The following CACNA1B variants were observed in gnomAD, a reference collection of about 807,000 sequenced individuals.
CACNA1B encodes calcium voltage-gated channel subunit alpha1 B, also known as voltage-dependent N-type calcium channel subunit alpha-1B.
In CACNA1B, 70 loss-of-function variants were observed where a neutral mutation model predicts 247.2. The ratio of observed to expected loss-of-function variants is 0.28; its 90% CI spans 0.23 to 0.35. CACNA1B has a LOEUF of 0.35. Among genes scored for constraint, CACNA1B ranks in the 10% least tolerant of loss-of-function variants. CACNA1B has a pLI of 1.00. For missense variants in CACNA1B, 2,367 were observed against 3,197.4 expected, an observed-to-expected ratio of 0.74 and a Z score of 6.26; for synonymous variants, 1,231 against 1,294.4, an observed-to-expected ratio of 0.95 and a Z score of 1.05.
intron 3 of CACNA1B, among the ~76,000 whole-genome samples, chr9:137,898,398 C>T (rs999029228): frequency 5.3e-5 from 8 of 152,124 alleles, no homozygotes; most frequent in Non-Finnish European, 1.0e-4. Context: ...TCTTTGAGTA[C>T]TTTTTCAGTC....
chr9:137,974,579 C>T lies in CACNA1B; in HGVS notation c.1544-1328C>T, dbSNP rs977669710. ...GTCTGGGCTGCTGCAGACTTGCCCC[C>T]GACCGAGGCTGTCTGGACCTGTGCA... On this transcript the variant is annotated intron_variant, in intron 11 of 46. Transcript: ENST00000371372. This position sits in a 1 kb window ranked among gnomAD's most constrained non-coding sequence, Gnocchi z 4.5. Among the ~76,000 whole-genome samples the T allele has an allele frequency of 7.2e-5, 11 of 152,178 alleles. No individual in the cohort carries two copies. The highest frequency in any genetic ancestry group is 1.9e-4 in the African/African-American group (8 of 41,438).
intron 44 of CACNA1B, among the ~76,000 whole-genome samples, chr9:138,119,445 G>GT (rs544801488): frequency 2.9e-4 from 44 of 152,268 alleles, no homozygotes; most frequent in South Asian, 1.0e-3. Context: ...GCCTGCTTCA[G>GT]TTGGCCAAAA....
At chr9:137,912,974 C>T (rs1957374251) in intron 3 of CACNA1B, among the ~76,000 whole-genome samples, 1 of 152,102 alleles carries the variant, frequency 6.6e-6, no homozygotes, top group African/African-American at 2.4e-5. Context: ...TTCCTGCCTC[C>T]TCTCACCTGG....
At chr9:138,069,669 C>T (rs972769920) in intron 31 of CACNA1B, 89 bp from the exon 32 acceptor site, 1 of 960,448 alleles carries the variant, frequency 1.0e-6, no homozygotes, top group Non-Finnish European at 1.7e-6. Context: ...AAACCCATGT[C>T]TCCGTCTGTA....
At chr9:138,025,968 C>G (rs1343006798) in intron 20 of CACNA1B, among the ~76,000 whole-genome samples, 1 of 152,208 alleles carries the variant, frequency 6.6e-6, no homozygotes, top group Non-Finnish European at 1.5e-5. Context: ...GCATTTAGGT[C>G]TTAAGCAGAC....
intron 6 of CACNA1B, among the ~76,000 whole-genome samples, chr9:137,946,610 A>G (rs1957799367): frequency 6.6e-6 from 1 of 152,066 alleles, no homozygotes; most frequent in African/African-American, 2.4e-5. Flanking sequence ...GAGAAAAAAA[A>G]AAAAAGGGAA....
chr9:138,027,443 C>T (rs1958935293), intron 20 of CACNA1B, among the ~76,000 whole-genome samples: 1 of 152,088 alleles, frequency 6.6e-6, no homozygotes, highest in Non-Finnish European at 1.5e-5. Flanking sequence ...ATACTTCTAA[C>T]TCTTTCTAAG....
chr9:138,023,859 C>A (rs1051838264), intron 19 of CACNA1B, 48 bp downstream of exon 19: 2 of 940,660 alleles, frequency 2.1e-6, no homozygotes, highest in Non-Finnish European at 3.4e-6. Flanking sequence ...TTGGCCGGGG[C>A]GGCGCGGGCC....
In CACNA1B at chr9:138,050,093, C is replaced by G. The variant is rs969449521; in HGVS notation, c.3710+778C>G. The G allele has an allele frequency of 7.8e-7, 1 of 1,288,922 alleles. No homozygotes were observed. 79.8% of individuals were successfully genotyped at this position (1,288,922 alleles called of 1,614,324 possible). A position where few individuals can be genotyped will look rare whatever the true frequency, so the allele number is the denominator to read the frequency against. ...TCGGCAGGAGCTTCGTGGGGTAATG[C>G]CTTCTCTCCCCCACACGCTGCCCCT... On this transcript the variant is annotated intron_variant, in intron 24 of 46. Coordinates refer to ENST00000371372, the MANE Select transcript of CACNA1B (RefSeq NM_000718.4). The surrounding 1 kb of genome is among the most constrained non-coding windows in gnomAD (Gnocchi z 5.2).
Position 137,972,460 on chromosome 9 carries a change from C to T in CACNA1B, c.1543+868C>T, listed in dbSNP as rs552021362. ...CTGTTTGCCTGAAGCTGCCGAGGCA[C>T]CCAGGAAAGCCTTTTCCGACTCCAG... is the stretch of plus-strand genomic sequence containing the variant. On this transcript the variant is annotated intron_variant, in intron 11 of 46. Transcript: ENST00000371372. Among the ~76,000 whole-genome samples the T allele has an allele frequency of 3.9e-5, 6 of 152,244 alleles. No homozygotes were observed. The East Asian group carries it at 1.2e-3, about 30-fold the overall frequency.
intron 6 of CACNA1B, among the ~76,000 whole-genome samples, chr9:137,924,345 T>C (rs12683293): frequency 9.0e-5 from 13 of 143,976 alleles, no homozygotes; most frequent in Non-Finnish European, 2.0e-4. Flanking sequence ...TCCTTCCTCC[T>C]TCCCTCCCTC....
At chr9:137,907,772 C>T (rs1957314331) in intron 3 of CACNA1B, among the ~76,000 whole-genome samples, 1 of 152,120 alleles carries the variant, frequency 6.6e-6, no homozygotes, top group Non-Finnish European at 1.5e-5. Context: ...GTCATCCTTC[C>T]TTACCTCACC....
Position 137,888,115 on chromosome 9 carries a change from G to A in CACNA1B, c.530+5232G>A, listed in dbSNP as rs1957042571. On this transcript the variant is annotated intron_variant, in intron 3 of 46. Transcript: ENST00000371372. The surrounding 1 kb of genome is among the most constrained non-coding windows in gnomAD (Gnocchi z 4.7). ...GCACAGTGTAGACGGTAGGGAAGGA[G>A]AGTGGGAGCCGGAAGCAGTGATCCA... Among the ~76,000 whole-genome samples, 1 of 151,728 alleles carries A rather than the reference G, an allele frequency of 6.6e-6. No homozygotes were observed. Among genetic ancestry groups the A allele is most frequent in the Non-Finnish European group, 1.5e-5 (1 of 67,836 alleles).
chr9:137,939,564 C>T (rs1030340404), intron 6 of CACNA1B, among the ~76,000 whole-genome samples: 1 of 151,876 alleles, frequency 6.6e-6, no homozygotes, highest in Non-Finnish European at 1.5e-5. Flanking sequence ...CTTTGGGAGG[C>T]TGAGGCAGGT....
chr9:137,899,545 T>G lies in CACNA1B; in HGVS notation c.531-13635T>G, dbSNP rs1028254899. Reference sequence around the variant, plus strand: ...AGCTCTTCTTCTCCCCTGTCCTTGCTTTGGAGCAGGCTAGGTGGCTCCCAC... The same window carrying G: ...AGCTCTTCTTCTCCCCTGTCCTTGCGTTGGAGCAGGCTAGGTGGCTCCCAC... On this transcript the variant is annotated intron_variant, in intron 3 of 46. Coordinates refer to ENST00000371372, the MANE Select transcript of CACNA1B (RefSeq NM_000718.4). This position sits in a 1 kb window ranked among gnomAD's most constrained non-coding sequence, Gnocchi z 5.0. Among the ~76,000 whole-genome samples, 22 of 152,182 alleles carry G rather than the reference T, an allele frequency of 1.4e-4. No individual in the cohort carries two copies. Among genetic ancestry groups the G allele is most frequent in the Admixed American group, 6.5e-5 (1 of 15,282 alleles).
chr9:137,979,142 C>T (rs961344389), intron 12 of CACNA1B, among the ~76,000 whole-genome samples: 1 of 152,208 alleles, frequency 6.6e-6, no homozygotes, highest in Non-Finnish European at 1.5e-5. Context: ...ATTCTTCTAA[C>T]ACTTAGCAGC....
chr9:137,987,957 C>T (rs2133384805), intron 15 of CACNA1B, among the ~76,000 whole-genome samples: 1 of 152,340 alleles, frequency 6.6e-6, no homozygotes, highest in East Asian at 1.9e-4. Context: ...ATCCCTTCTT[C>T]CTCTCTGGTC....
Position 138,114,495 on chromosome 9 carries a change from C to G in CACNA1B, c.5649+5C>G. 3 of 1,486,064 alleles carry G rather than the reference C, an allele frequency of 2.0e-6. No homozygotes were observed. Among genetic ancestry groups the G allele is most frequent in the Non-Finnish European group, 2.8e-6 (3 of 1,082,734 alleles). The allele number at this position is 1,486,064 out of a possible 1,614,324, so 92.1% of individuals were successfully genotyped here. On this transcript the variant is annotated splice_donor_5th_base_variant and intron_variant, in intron 41 of 46. Coordinates refer to ENST00000371372, the MANE Select transcript of CACNA1B (RefSeq NM_000718.4). ...GCTCCTGGAGGCCTCTCCCAGGTAGCTGGCGGCCCTCAGTTTTCCAGGAAA... is the reference window on the plus strand; with the variant it reads ...GCTCCTGGAGGCCTCTCCCAGGTAGGTGGCGGCCCTCAGTTTTCCAGGAAA...
chr9:137,949,545 G>A (rs1312944096), intron 6 of CACNA1B, among the ~76,000 whole-genome samples: 1 of 151,968 alleles, frequency 6.6e-6, no homozygotes, highest in Non-Finnish European at 1.5e-5. Flanking sequence ...GTGTGTGTGT[G>A]TGGAGAGGGA....
Sources: allele counts gnomAD v4.1 joint callset (sites outside exome capture counted in the v4.1 genomes callset), GRCh38; gene constraint gnomAD v4.1.1; non-coding constraint Gnocchi (gnomAD v3.1); transcripts MANE v1.5; gene names NCBI Gene and HGNC (gene_info 2026-07-23, HGNC 2026-07-21).